Variants in ITPR3 observed in about 807,000 individuals in gnomAD.
ITPR3 encodes inositol 1,4,5-trisphosphate receptor type 3, also known as inositol 1,4,5-trisphosphate-gated calcium channel ITPR3.
A neutral mutation model predicts 293.2 loss-of-function variants in ITPR3; 173 were observed. The observed-to-expected ratio is 0.59, with a 90% CI of 0.52 to 0.67. The LOEUF (loss-of-function observed/expected upper bound fraction) is 0.67, where lower values mean the gene tolerates loss of function less well. Ranked by LOEUF, ITPR3 falls within the 30% of genes least tolerant of loss-of-function variation. The pLI is 0.00. For synonymous variants in ITPR3, 1,295 were observed against 1,444.4 expected, an observed-to-expected ratio of 0.90 and a Z score of 2.35; for missense variants, 2,796 against 3,592.1, an observed-to-expected ratio of 0.78 and a Z score of 5.66.
intron 21 of ITPR3, among the ~76,000 whole-genome samples, chr6:33,671,719 G>C (rs1035019693): frequency 3.9e-5 from 6 of 152,188 alleles, no homozygotes; most frequent in African/African-American, 1.4e-4. Flanking sequence ...TTTCGGGGCT[G>C]TCCTCCCCGC....
In ITPR3 at chr6:33,663,848, C is replaced by T. The variant is rs1764540517; in HGVS notation, c.1116C>T (p.Thr372=). The T allele has an allele frequency of 6.2e-7, 1 of 1,614,048 alleles. No homozygotes were observed. Among genetic ancestry groups the T allele is most frequent in the South Asian group, 1.1e-5 (1 of 91,082 alleles). Residue 372 remains threonine (T), a synonymous_variant, in exon 11 of 58, where the codon ACC becomes ACT. Coordinates refer to ENST00000605930, the MANE Select transcript of ITPR3 (RefSeq NM_002224.4). ...CCTCTCTCTTTGAGCTGGACCCCAC[C>T]ACCTTGCAGAAAACCGACTCTTTCG... ...DIASLFELDP[T]TLQKTDSFVP... is the part of the protein sequence containing the mutation.
intron 33 of ITPR3, 96 bp downstream of exon 33, chr6:33,680,776 G>T: frequency 5.3e-6 from 7 of 1,311,672 alleles, no homozygotes; most frequent in Admixed American, 2.2e-5. Flanking sequence ...TTTGCTTATA[G>T]TACAGAAAGA....
In ITPR3 at chr6:33,624,399, T is replaced by C. The variant is rs1052727130; in HGVS notation, c.89+2708T>C. Among the ~76,000 whole-genome samples, 8 of 152,228 alleles carry C rather than the reference T, an allele frequency of 5.3e-5. No homozygotes were observed. Among genetic ancestry groups the C allele is most frequent in the Admixed American group, 6.5e-5 (1 of 15,282 alleles). ...CAAAGAAGGAATGATTTGTAAGTGC[T>C]GTAAGTAATCAGTCCAGCAGCTTCA... On this transcript the variant is annotated intron_variant, in intron 1 of 57. Transcript: ENST00000605930. This position sits in a 1 kb window ranked among gnomAD's most constrained non-coding sequence, Gnocchi z 4.7.
Position 33,685,351 on chromosome 6 carries a change from A to T in ITPR3, c.5308-8A>T, listed in dbSNP as rs762584958. ...TGAGGTTGTTCCCTGGCCACTGTCC[A>T]CCTCCAGAAATCCTTCCACAACCTG... is the stretch of plus-strand genomic sequence containing the variant. On this transcript the variant is annotated splice_region_variant and splice_polypyrimidine_tract_variant and intron_variant, in intron 39 of 57. Transcript: ENST00000605930. 6 of 1,606,128 alleles carry T rather than the reference A, an allele frequency of 3.7e-6. No homozygotes were observed. The highest frequency in any genetic ancestry group is 2.6e-6 in the Non-Finnish European group (3 of 1,173,572).
intron 22 of ITPR3, among the ~76,000 whole-genome samples, chr6:33,673,189 A>G (rs1039053635): frequency 2.0e-5 from 3 of 152,132 alleles, no homozygotes; most frequent in Non-Finnish European, 4.4e-5. Flanking sequence ...CCCTCCCATG[A>G]GTATCCAGGG....
intron 28 of ITPR3, 89 bp from the exon 29 acceptor site, chr6:33,678,332 G>A (rs1042754597): frequency 1.8e-5 from 27 of 1,477,792 alleles, no homozygotes; most frequent in Middle Eastern, 4.1e-4. Context: ...TCCCAAGCCC[G>A]ACCCACCCCT....
intron 7 of ITPR3, 57 bp downstream of exon 7, chr6:33,659,606 G>GC (rs2127264230): frequency 6.9e-7 from 1 of 1,454,926 alleles, no homozygotes; most frequent in South Asian, 1.1e-5. Flanking sequence ...CCCCACCAGG[G>GC]CCCTCTTCCT....
chr6:33,623,684 C>T (rs1437748316), intron 1 of ITPR3, among the ~76,000 whole-genome samples: 1 of 152,144 alleles, frequency 6.6e-6, no homozygotes. Flanking sequence ...TTGTGCAGGC[C>T]TCACTCCCTC....
In ITPR3 at chr6:33,621,653, C is replaced by T. The variant is rs140536519; in HGVS notation, c.51C>T (p.Tyr17=). 3 of 1,610,678 alleles carry T rather than the reference C, an allele frequency of 1.9e-6. No individual in the cohort carries two copies. The highest frequency in any genetic ancestry group is 2.2e-5 in the East Asian group (1 of 44,758). The change falls in exon 1 of 58, where the codon TAC becomes TAT. Residue 17 remains tyrosine, a synonymous_variant. Coordinates refer to ENST00000605930, the MANE Select transcript of ITPR3 (RefSeq NM_002224.4). This position sits in a 1 kb window ranked among gnomAD's most constrained non-coding sequence, Gnocchi z 7.7. Reference sequence around the variant, plus strand: ...ACATCGGGGACATCGTCTCCCTGTACGCCGAGGGCTCCGTCAATGGCTTCA... The same window carrying T: ...ACATCGGGGACATCGTCTCCCTGTATGCCGAGGGCTCCGTCAATGGCTTCA... ...FLHIGDIVSL[Y]AEGSVNGFIS... is the part of the protein sequence containing the mutation.
At position 33,692,194 on chromosome 6, in the gene ITPR3, C is replaced by G. The variant is rs1346681204; in HGVS notation, c.7458+266C>G. Among the ~76,000 whole-genome samples, 1 of 152,264 alleles carries G rather than the reference C, an allele frequency of 6.6e-6. No homozygotes were observed. The highest frequency in any genetic ancestry group is 1.5e-5 in the Non-Finnish European group (1 of 68,054). ...GCTAGGGATGGTGACCACTGGCTTT[C>G]CTAGCCCACAGCAGGTGGGCAGAGG... is the stretch of plus-strand genomic sequence containing the variant. On this transcript the variant is annotated intron_variant, in intron 54 of 57. Coordinates refer to ENST00000605930, the MANE Select transcript of ITPR3 (RefSeq NM_002224.4). The surrounding 1 kb of genome is among the most constrained non-coding windows in gnomAD (Gnocchi z 4.2).
Position 33,680,409 on chromosome 6 carries a change from C to A in ITPR3, c.4305C>A (p.Asn1435Lys). The change falls in exon 32 of 58, where the codon AAC becomes AAA. Residue 1435 changes from asparagine (N) to lysine (K), a missense_variant. Asn to Lys is a moderately conservative substitution (Grantham distance 94, BLOSUM62 0). Transcript: ENST00000605930. ...AGATGAAGGAGATCTACACCAGCAA[C>A]CACATCTGGACGCTCTTTGAGAACT... ...EVEMKEIYTS[N>K]HIWTLFENFT... 1 of 1,613,678 alleles carries A rather than the reference C, an allele frequency of 6.2e-7. No homozygotes were observed.
At chr6:33,694,705 C>G in intron 56 of ITPR3, 1 of 560,618 alleles carries the variant, frequency 1.8e-6, no homozygotes, top group Non-Finnish European at 3.1e-6. Flanking sequence ...TAACGGAAGT[C>G]AGCCTGTCTC....
At chr6:33,671,880 G>A in intron 21 of ITPR3, 149 bp from the exon 22 acceptor site, 1 of 737,794 alleles carries the variant, frequency 1.4e-6, no homozygotes, top group Non-Finnish European at 2.2e-6. Flanking sequence ...AAGCCTTCCT[G>A]GGTTAGCCCT....
chr6:33,674,739 T>C (rs972132426), intron 24 of ITPR3, among the ~76,000 whole-genome samples: 4 of 152,176 alleles, frequency 2.6e-5, no homozygotes, highest in African/African-American at 9.7e-5. Context: ...ATAAAGCACA[T>C]AACAAGACAA....
chr6:33,679,792 G>T lies in ITPR3; in HGVS notation c.3973-90G>T. 6.7e-7 allele frequency: 1 copy of T among 1,487,164 alleles called. No individual in the cohort carries two copies. The highest frequency in any genetic ancestry group is 9.1e-7 in the Non-Finnish European group (1 of 1,104,516). 92.1% of individuals were successfully genotyped at this position (1,487,164 alleles called of 1,614,324 possible). A position where few individuals can be genotyped will look rare whatever the true frequency, so the allele number is the denominator to read the frequency against. ...ATTTCAGGTAAGGGCTGTGGTCAGA[G>T]TCCCAGTTTCTCCCTGGTAAGCAAC... is the stretch of plus-strand genomic sequence containing the variant. On this transcript the variant is annotated intron_variant, in intron 30 of 57. Coordinates refer to ENST00000605930, the MANE Select transcript of ITPR3 (RefSeq NM_002224.4). The surrounding 1 kb of genome is among the most constrained non-coding windows in gnomAD (Gnocchi z 4.2).
In ITPR3 at chr6:33,683,183, A is replaced by AGCACTCCC. The variant is rs777062116; in HGVS notation, c.4598-23_4598-16dup. ...TGAACTGCCCCCGCACCAGCACTCC[A>AGCACTCCC]GCACTCCCTCCCTTCCCACCCAGCC... On this transcript the variant is annotated intron_variant, in intron 34 of 57. Coordinates refer to ENST00000605930, the MANE Select transcript of ITPR3 (RefSeq NM_002224.4). The surrounding 1 kb of genome is among the most constrained non-coding windows in gnomAD (Gnocchi z 4.5). The AGCACTCCC allele has an allele frequency of 7.4e-6, 11 of 1,485,230 alleles. No individual in the cohort carries two copies. Among genetic ancestry groups the AGCACTCCC allele is most frequent in the Non-Finnish European group, 9.9e-6 (11 of 1,107,372 alleles). The allele number at this position is 1,485,230 out of a possible 1,614,324, so 92.0% of individuals were successfully genotyped here.
chr6:33,671,257 CTG>C lies in ITPR3; in HGVS notation c.2684_2685del (p.Val895AlafsTer11), dbSNP rs1370787902. The C allele has an allele frequency of 6.2e-7, 1 of 1,613,742 alleles. No individual in the cohort carries two copies. The highest frequency in any genetic ancestry group is 8.5e-7 in the Non-Finnish European group (1 of 1,179,996). ...CTCGCACACTGCTGGGCATCATCGACTGTGTGCAGGGGCCCCCGGCCATGCTG... is the reference window on the plus strand; with the variant it reads ...CTCGCACACTGCTGGGCATCATCGACTGTGCAGGGGCCCCCGGCCATGCTG... ...LTRTLLGIID[C>X]VQGPPAMLQA... On this transcript the variant is annotated frameshift_variant, in exon 21 of 58. Transcript: ENST00000605930. LOFTEE classifies it high-confidence loss of function.
intron 41 of ITPR3, 40 bp downstream of exon 41, chr6:33,685,867 C>T: frequency 6.5e-7 from 1 of 1,547,044 alleles, no homozygotes; most frequent in Non-Finnish European, 8.8e-7. Context: ...CCCCCGCTGG[C>T]CAGCCGGCAT....
Position 33,688,447 on chromosome 6 carries a change from C to CGGGGGGG in ITPR3, c.6568+19_6568+20insGGGGGGG. The CGGGGGGG allele has an allele frequency of 9.8e-6, 1 of 102,182 alleles. No homozygotes were observed. Among genetic ancestry groups the CGGGGGGG allele is most frequent in the Non-Finnish European group, 1.7e-5 (1 of 59,200 alleles). 6.3% of individuals were successfully genotyped at this position (102,182 alleles called of 1,614,324 possible). ...AAGCTCCGCAGTGAGGACCCACGGG[C>CGGGGGGG]GGGAGGGTGGGGCGGTCTGGAGCTG... On this transcript the variant is annotated intron_variant, in intron 48 of 57. Coordinates refer to ENST00000605930, the MANE Select transcript of ITPR3 (RefSeq NM_002224.4).
Sources: allele counts gnomAD v4.1 joint callset (sites outside exome capture counted in the v4.1 genomes callset), GRCh38; gene constraint gnomAD v4.1.1; non-coding constraint Gnocchi (gnomAD v3.1); transcripts MANE v1.5; gene names NCBI Gene and HGNC (gene_info 2026-07-23, HGNC 2026-07-21).